Variants in RGS6 observed in about 807,000 individuals in gnomAD.
The protein encoded by RGS6 is regulator of G protein signaling 6, also known as regulator of G-protein signaling 6.
RGS6 carries 30 observed loss-of-function variants against 78.5 expected under a neutral mutation model. The observed-to-expected ratio is 0.38, with a 90% CI of 0.29 to 0.52. The LOEUF (loss-of-function observed/expected upper bound fraction) is 0.52, where lower values mean the gene tolerates loss of function less well. RGS6 is among the 20% of genes least tolerant of loss of function. The probability of loss-of-function intolerance (pLI) is 0.85; values close to 1 mark genes in which losing one functional copy is unlikely to be tolerated. For missense variants in RGS6, 495 were observed against 609.7 expected (o/e 0.81, Z 1.98); for synonymous variants, 206 against 206.0 (o/e 1.00, Z 0.00).
chr14:72,550,312 A>G (rs2097485493), intron 17 of RGS6: 5 of 696,384 alleles, frequency 7.2e-6, no homozygotes, highest in Admixed American at 6.1e-5. Flanking sequence ...GTGCCTAGGT[A>G]TAAGAGGTGG....
intron 2 of RGS6, among the ~76,000 whole-genome samples, chr14:72,142,363 C>A (rs752008939): frequency 6.6e-6 from 1 of 150,736 alleles, no homozygotes; most frequent in Non-Finnish European, 1.5e-5. Context: ...TAAGGCATCC[C>A]AAGCAGTCTA....
chr14:72,401,376 A>C (rs904606319), intron 3 of RGS6, among the ~76,000 whole-genome samples: 5 of 152,012 alleles, frequency 3.3e-5, no homozygotes, highest in African/African-American at 4.8e-5. Flanking sequence ...AATCTTTGTC[A>C]GTTAGCTGGG....
At chr14:72,457,463 T>C (rs1013814988) in intron 4 of RGS6, among the ~76,000 whole-genome samples, 22 of 152,200 alleles carry the variant, frequency 1.4e-4, no homozygotes, top group African/African-American at 5.3e-4. Context: ...TCTAAATTCT[T>C]AACTTTTTTT....
chr14:71,883,029 G>A, the RGS6 span, among the ~76,000 whole-genome samples: 12 of 152,162 alleles, frequency 7.9e-5, no homozygotes, highest in Non-Finnish European at 1.5e-4. Context: ...GGCTGATTTC[G>A]AGTCAGTGTT....
intron 2 of RGS6, among the ~76,000 whole-genome samples, chr14:72,147,012 C>T (rs2096615270): frequency 6.6e-6 from 1 of 152,230 alleles, no homozygotes; most frequent in Non-Finnish European, 1.5e-5. Context: ...TTCCAATACA[C>T]TGTTCCTCAG....
chr14:72,541,280 T>C, intron 17 of RGS6: 1 of 1,437,302 alleles, frequency 7.0e-7, no homozygotes, highest in South Asian at 1.3e-5. Flanking sequence ...CTAAGGCTCC[T>C]GGGTTGAAAG....
Position 72,474,659 on chromosome 14 carries a change from G to T in RGS6, c.653G>T (p.Arg218Leu), listed in dbSNP as rs762687373. Reference sequence around the variant, plus strand: ...GTGAACACAACAGAAATGGATATCCGAAAATGTCGACGTTTGAAGAATCCA... The same window carrying T: ...GTGAACACAACAGAAATGGATATCCTAAAATGTCGACGTTTGAAGAATCCA... The part of the protein sequence containing the change: ...GCVNTTEMDI[R>L]KCRRLKNPQK... Residue 218 changes from arginine (R) to leucine (L), a missense_variant, in exon 10 of 18, where the codon CGA becomes CTA. Coordinates refer to ENST00000553525, the MANE Select transcript of RGS6 (RefSeq NM_001204424.2). The T allele has an allele frequency of 1.2e-6, 2 of 1,613,226 alleles. No individual in the cohort carries two copies. The highest frequency in any genetic ancestry group is 1.7e-6 in the Non-Finnish European group (2 of 1,179,672).
chr14:72,473,399 G>T (rs1392809718), intron 9 of RGS6, among the ~76,000 whole-genome samples: 1 of 152,152 alleles, frequency 6.6e-6, no homozygotes, highest in Non-Finnish European at 1.5e-5. Flanking sequence ...AGCCGAGAGC[G>T]CACCACTGCA....
intron 2 of RGS6, among the ~76,000 whole-genome samples, chr14:72,036,200 A>AGTCTTCTTATTAT (rs138140828): frequency 6.8e-6 from 1 of 146,800 alleles, no homozygotes; most frequent in African/African-American, 2.5e-5. Context: ...GCATGTAAAC[A>AGTCTTCTTATTAT]TATTATTATT....
intron 7 of RGS6, among the ~76,000 whole-genome samples, chr14:72,467,100 A>G (rs1386300276): frequency 6.6e-6 from 1 of 152,158 alleles, no homozygotes; most frequent in Non-Finnish European, 1.5e-5. Flanking sequence ...CCCAGAAACC[A>G]AAGCACTTGA....
the RGS6 span, among the ~76,000 whole-genome samples, chr14:72,602,731 A>G: frequency 6.6e-6 from 1 of 152,242 alleles, no homozygotes; most frequent in East Asian, 1.9e-4. Flanking sequence ...TGGCCTCAAG[A>G]CATAATTAAA....
chr14:71,958,758 G>T (rs891624532), intron 1 of RGS6, among the ~76,000 whole-genome samples: 1 of 152,136 alleles, frequency 6.6e-6, no homozygotes, highest in Non-Finnish European at 1.5e-5. Context: ...CTAGGTCAGC[G>T]GTTTCCAAAC....
At chr14:72,481,744 C>G (rs558455619) in intron 12 of RGS6, among the ~76,000 whole-genome samples, 7 of 152,060 alleles carry the variant, frequency 4.6e-5, no homozygotes, top group Admixed American at 1.3e-4. Flanking sequence ...ATTGTCTCTG[C>G]ACACACACAC....
At chr14:71,920,149 A>C in the RGS6 span, among the ~76,000 whole-genome samples, 1 of 152,178 alleles carries the variant, frequency 6.6e-6, no homozygotes, top group Non-Finnish European at 1.5e-5. Flanking sequence ...AAATTCTAAC[A>C]CCTGTGAATT....
chr14:72,152,426 G>A (rs1158207534), intron 2 of RGS6, among the ~76,000 whole-genome samples: 1 of 152,144 alleles, frequency 6.6e-6, no homozygotes, highest in Non-Finnish European at 1.5e-5. Flanking sequence ...AATCACTGGA[G>A]CAATTAAAGC....
intron 3 of RGS6, among the ~76,000 whole-genome samples, chr14:72,400,437 A>G (rs1272373189): frequency 6.6e-6 from 1 of 152,168 alleles, no homozygotes; most frequent in Admixed American, 6.5e-5. Flanking sequence ...ATTTTTATAG[A>G]TCATTATCAT....
upstream of RGS6, among the ~76,000 whole-genome samples, chr14:71,930,692 C>T (rs980076036): frequency 6.6e-6 from 1 of 151,908 alleles, no homozygotes; most frequent in African/African-American, 2.4e-5. Flanking sequence ...CTCAGAAATG[C>T]AGAGTTCCCA....
intron 6 of RGS6, among the ~76,000 whole-genome samples, chr14:72,464,384 C>A (rs1201609000): frequency 6.6e-6 from 1 of 152,202 alleles, no homozygotes; most frequent in African/African-American, 2.4e-5. Context: ...TTGGGAACAA[C>A]CACAACTGAC....
rs560207044 is a variant in RGS6 at position 72,522,560 on chromosome 14, C to G, written c.1278+4023C>G. Among the ~76,000 whole-genome samples the G allele has an allele frequency of 6.8e-4, 104 of 152,306 alleles. 1 individual carries two copies. The highest frequency in any genetic ancestry group is 1.6e-3 in the African/African-American group (66 of 41,568). On this transcript the variant is annotated intron_variant, in intron 15 of 17. Transcript: ENST00000553525. The stretch of plus-strand genomic sequence containing the variant: ...TGTCACAACTATTCGATTCTGCATA[C>G]AAAAGCAGCTACAATGCAACAACAT...
Sources: allele counts gnomAD v4.1 joint callset (sites outside exome capture counted in the v4.1 genomes callset), GRCh38; gene constraint gnomAD v4.1.1; transcripts MANE v1.5; gene names NCBI Gene and HGNC (gene_info 2026-07-23, HGNC 2026-07-21).